Variants in SHLD1 observed in about 807,000 individuals in gnomAD.
The protein encoded by SHLD1 is RINN1-REV7-interacting novel NHEJ regulator 3.
SHLD1 carries 3 observed loss-of-function variants against 5.5 expected under a neutral mutation model. The ratio of observed to expected loss-of-function variants is 0.54; its 90% confidence interval spans 0.25 to 1.40. The LOEUF (loss-of-function observed/expected upper bound fraction) is 1.40, where lower values mean the gene tolerates loss of function less well. SHLD1 is among the 40% of genes most tolerant of loss of function. The probability of loss-of-function intolerance (pLI) is 0.15; values close to 1 mark genes in which losing one functional copy is unlikely to be tolerated. For missense variants in SHLD1, 210 were observed against 244.4 expected (o/e 0.86, Z 0.94); for synonymous variants, 92 against 94.3 (o/e 0.98, Z 0.14).
intron 2 of SHLD1, among the ~76,000 whole-genome samples, chr20:5,814,498 C>A (rs1384086601): frequency 6.6e-6 from 1 of 151,810 alleles, no homozygotes; most frequent in Non-Finnish European, 1.5e-5. Flanking sequence ...GAGCACAGTC[C>A]CTATAGAATT....
intron 2 of SHLD1, among the ~76,000 whole-genome samples, chr20:5,803,439 G>T (rs1568510358): frequency 2.6e-5 from 4 of 152,114 alleles, no homozygotes. Context: ...AAAGCATTGG[G>T]ATTATAGGCA....
chr20:5,787,820 G>A (rs192250465), intron 2 of SHLD1, among the ~76,000 whole-genome samples: 1 of 152,344 alleles, frequency 6.6e-6, no homozygotes, highest in Admixed American at 6.5e-5. Flanking sequence ...TTAAAGCTCT[G>A]TGTGATCTGT....
At chr20:5,790,273 T>C (rs6139831) in intron 2 of SHLD1, among the ~76,000 whole-genome samples, 44,346 of 151,862 alleles carry the variant, frequency 0.29, 6,449 homozygotes, top group Middle Eastern at 0.34. Flanking sequence ...ACTCTGAGCA[T>C]GAGGCCTGGG....
At chr20:5,824,889 G>A (rs998409036) in intron 2 of SHLD1, among the ~76,000 whole-genome samples, 3 of 152,094 alleles carry the variant, frequency 2.0e-5, no homozygotes, top group African/African-American at 7.2e-5. Flanking sequence ...TACGTACTTT[G>A]ACTGCTACGG....
At chr20:5,771,726 A>G in intron 1 of SHLD1, among the ~76,000 whole-genome samples, 1 of 149,598 alleles carries the variant, frequency 6.7e-6, no homozygotes, top group Admixed American at 6.7e-5. Context: ...TTGCAGTTTG[A>G]GGTGTGTCAG....
At chr20:5,774,201 C>T (rs1985322992) in intron 2 of SHLD1, among the ~76,000 whole-genome samples, 1 of 152,008 alleles carries the variant, frequency 6.6e-6, no homozygotes, top group Non-Finnish European at 1.5e-5. Context: ...AAAACTCTGT[C>T]TCAAAACAAA....
In SHLD1 at chr20:5,817,394, T is replaced by TTCTCTCTC. The variant is rs144955343; in HGVS notation, c.178+44383_178+44390dup. Among the ~76,000 whole-genome samples, 517 of 75,716 alleles carry TTCTCTCTC rather than the reference T, an allele frequency of 6.8e-3. 3 individuals are homozygous for TTCTCTCTC. Among genetic ancestry groups the TTCTCTCTC allele is most frequent in the South Asian group, 0.017 (21 of 1,268 alleles). The allele number at this position is 75,716 out of a possible 152,430, so 49.7% of individuals were successfully genotyped here. ...CTTGTTTTTAAGCTCACGGGATATT[T>TTCTCTCTC]TCTCTCTCTCTCTCTCTCTCTCTCT... On this transcript the variant is annotated intron_variant, in intron 2 of 2. Coordinates refer to ENST00000303142, the MANE Select transcript of SHLD1 (RefSeq NM_152504.4).
intron 2 of SHLD1, among the ~76,000 whole-genome samples, chr20:5,775,945 T>TTTTTTTTTTTTTTTTTTG: frequency 7.0e-6 from 1 of 143,600 alleles, no homozygotes; most frequent in African/African-American, 2.7e-5. Context: ...TTTTTTTTTT[T>TTTTTTTTTTTTTTTTTTG]GAGATGGAGT....
intron 2 of SHLD1, among the ~76,000 whole-genome samples, chr20:5,821,374 G>A (rs894645287): frequency 6.6e-5 from 10 of 152,212 alleles, no homozygotes; most frequent in South Asian, 2.1e-4. Context: ...TCAGCCGGGC[G>A]TGGTGGTGTG....
chr20:5,840,936 C>T (rs2087850309), intron 2 of SHLD1, among the ~76,000 whole-genome samples: 3 of 151,870 alleles, frequency 2.0e-5, no homozygotes, highest in African/African-American at 7.3e-5. Context: ...ATTCTTAGGG[C>T]TTGTTCTGGC....
rs182723439 is a variant in SHLD1, at chr20:5,767,430, G to A, written c.-4-5432G>A. 4.1e-3 allele frequency among the ~76,000 whole-genome samples: 620 copies of A among 152,224 alleles called. 6 individuals carry two copies. The highest frequency in any genetic ancestry group is 0.014 in the African/African-American group (585 of 41,530). ...TGGGATTACAGGTATCAGCCACCGC[G>A]CCTGGCCTCTTTATTCATTTATTAA... On this transcript the variant is annotated intron_variant, in intron 1 of 2. Coordinates refer to ENST00000303142, the MANE Select transcript of SHLD1 (RefSeq NM_152504.4).
intron 2 of SHLD1, among the ~76,000 whole-genome samples, chr20:5,794,463 C>T (rs1308676777): frequency 3.9e-5 from 6 of 152,172 alleles, no homozygotes; most frequent in Admixed American, 6.5e-5. Flanking sequence ...AGAAGTTATT[C>T]GGATTAACAC....
At chr20:5,820,707 C>T (rs2087596430) in intron 2 of SHLD1, among the ~76,000 whole-genome samples, 1 of 152,238 alleles carries the variant, frequency 6.6e-6, no homozygotes, top group South Asian at 2.1e-4. Flanking sequence ...AAATGATGGC[C>T]TAGCCTGCTG....
rs5840103 is a variant in SHLD1, at chr20:5,761,611, C to CTT, written c.-5+11145_-5+11146dup. Among the ~76,000 whole-genome samples the CTT allele has an allele frequency of 9.7e-3, 1,353 of 139,518 alleles. 22 individuals are homozygous for CTT. The highest frequency in any genetic ancestry group is 0.031 in the African/African-American group (1,181 of 37,684). 91.5% of individuals were successfully genotyped at this position (139,518 alleles called of 152,430 possible). ...CTAAATATTTTTCATGTCTTAATTTCTTTTTTTTTTTTTTGAGATGGAGGC... is the reference window on the plus strand; with the variant it reads ...CTAAATATTTTTCATGTCTTAATTTCTTTTTTTTTTTTTTTTGAGATGGAGGC... On this transcript the variant is annotated intron_variant, in intron 1 of 2. Transcript: ENST00000303142.
At chr20:5,824,929 G>A (rs1411243532) in intron 2 of SHLD1, among the ~76,000 whole-genome samples, 1 of 152,172 alleles carries the variant, frequency 6.6e-6, no homozygotes, top group Non-Finnish European at 1.5e-5. Context: ...CAAAACCACA[G>A]GATGGCTTAG....
chr20:5,766,778 C>T (rs1246032329), intron 1 of SHLD1, among the ~76,000 whole-genome samples: 1 of 152,102 alleles, frequency 6.6e-6, no homozygotes, highest in African/African-American at 2.4e-5. Flanking sequence ...TATATTTTTT[C>T]TCTTCTTATA....
At chr20:5,768,904 GTTT>G (rs11475696) in intron 1 of SHLD1, among the ~76,000 whole-genome samples, 1 of 117,062 alleles carries the variant, frequency 8.5e-6, no homozygotes, top group Non-Finnish European at 1.8e-5. Flanking sequence ...TCATGTAATT[GTTT>G]TTTTTTTTTT....
chr20:5,839,216 GA>G (rs2122462323), intron 2 of SHLD1, among the ~76,000 whole-genome samples: 1 of 152,268 alleles, frequency 6.6e-6, no homozygotes, highest in African/African-American at 2.4e-5. Context: ...CATGTCAAAT[GA>G]AATATTTTCT....
chr20:5,757,833 C>T (rs1054728127), intron 1 of SHLD1, among the ~76,000 whole-genome samples: 1 of 152,136 alleles, frequency 6.6e-6, no homozygotes, highest in Non-Finnish European at 1.5e-5. Flanking sequence ...GAACTCCTGA[C>T]CTCAGGTGAT....
Sources: allele counts gnomAD v4.1 joint callset (sites outside exome capture counted in the v4.1 genomes callset), GRCh38; gene constraint gnomAD v4.1.1; transcripts MANE v1.5; gene names NCBI Gene and HGNC (gene_info 2026-07-23, HGNC 2026-07-21).